The following SNTB2 variants were observed in gnomAD, a reference collection of about 807,000 sequenced individuals.
The protein encoded by SNTB2 is syntrophin beta 2, also known as beta-2-syntrophin.
SNTB2 carries 34 observed loss-of-function variants against 46.2 expected under a neutral mutation model. The observed-to-expected ratio is 0.74, with a 90% CI of 0.56 to 0.98. The LOEUF (loss-of-function observed/expected upper bound fraction) is 0.98, where lower values mean the gene tolerates loss of function less well. Ranked by LOEUF, SNTB2 falls within the 50% of genes least tolerant of loss-of-function variation. SNTB2 has a pLI of 0.00. For synonymous variants in SNTB2, 290 were observed against 312.6 expected, an observed-to-expected ratio of 0.93 and a Z score of 0.76; for missense variants, 603 against 731.4, an observed-to-expected ratio of 0.82 and a Z score of 2.02.
At position 69,260,145 on chromosome 16, in the gene SNTB2, C is replaced by T; in HGVS notation, c.890C>T (p.Thr297Ile). The change falls in exon 3 of 7, where the codon ACC becomes ATC. Residue 297 changes from threonine (T) to isoleucine (I), a missense_variant. Physicochemically the swap from Thr to Ile is moderately conservative, Grantham distance 89. Coordinates refer to ENST00000336278, the MANE Select transcript of SNTB2 (RefSeq NM_006750.4). ...TAHSWFVAIHTNIMALLPQVL... is the reference protein window; with the variant it reads ...TAHSWFVAIHINIMALLPQVL... ...CACTCCTGGTTCGTAGCTATCCACA[C>T]CAACATAATGGCTCTCCTCCCACAG... is the stretch of plus-strand genomic sequence containing the variant. 1 of 1,614,080 alleles carries T rather than the reference C, an allele frequency of 6.2e-7. No individual in the cohort carries two copies. The highest frequency in any genetic ancestry group is 8.5e-7 in the Non-Finnish European group (1 of 1,180,022).
chr16:69,253,513 G>T (rs1334095730), intron 2 of SNTB2, among the ~76,000 whole-genome samples: 22 of 152,052 alleles, frequency 1.4e-4, no homozygotes, highest in Non-Finnish European at 4.4e-5. Flanking sequence ...GCCGGGCGTG[G>T]TGGCGGGCGC....
chr16:69,220,351 C>G (rs1341133131), intron 1 of SNTB2, among the ~76,000 whole-genome samples: 1 of 147,882 alleles, frequency 6.8e-6, no homozygotes, highest in Non-Finnish European at 1.5e-5. Flanking sequence ...TTAGTAGAGA[C>G]GGGGTTTCAT....
At chr16:69,234,340 C>A (rs1964536713) in intron 1 of SNTB2, among the ~76,000 whole-genome samples, 1 of 151,958 alleles carries the variant, frequency 6.6e-6, no homozygotes, top group African/African-American at 2.4e-5. Context: ...CTCACAAGAA[C>A]CCAAAAAACT....
rs1462877592 is a variant in SNTB2 at position 69,210,174 on chromosome 16, C to T, written c.580+22428C>T. On this transcript the variant is annotated intron_variant, in intron 1 of 6. Coordinates refer to ENST00000336278, the MANE Select transcript of SNTB2 (RefSeq NM_006750.4). ...AAGTAGTTGGATTACAGGTGCACAC[C>T]ACCATGCCTGGCTAACTTTGTATTT... 2.0e-5 allele frequency among the ~76,000 whole-genome samples: 3 copies of T among 151,434 alleles called. No individual in the cohort carries two copies. The East Asian group carries it at 5.8e-4, about 29-fold the overall frequency.
chr16:69,280,661 G>A (rs560202159), intron 4 of SNTB2, among the ~76,000 whole-genome samples: 15 of 152,286 alleles, frequency 9.8e-5, no homozygotes, highest in South Asian at 4.1e-4. Context: ...CAGTAGGGGC[G>A]GCCGGCTTTG....
chr16:69,268,761 A>G (rs1469751461), intron 3 of SNTB2, among the ~76,000 whole-genome samples: 4 of 152,012 alleles, frequency 2.6e-5, no homozygotes, highest in Non-Finnish European at 5.9e-5. Context: ...GCTCCTCGGG[A>G]GGCTGAGGCA....
intron 5 of SNTB2, among the ~76,000 whole-genome samples, chr16:69,289,895 C>A (rs150786954): frequency 6.6e-6 from 1 of 152,226 alleles, no homozygotes; most frequent in Non-Finnish European, 1.5e-5. Context: ...GCACTCCAGT[C>A]TGGGCAACAG....
Position 69,269,178 on chromosome 16 carries a change from GA to G in SNTB2, c.1006-954del, listed in dbSNP as rs976898827. On this transcript the variant is annotated intron_variant, in intron 3 of 6. Coordinates refer to ENST00000336278, the MANE Select transcript of SNTB2 (RefSeq NM_006750.4). ...GAGCGAAACTCCGTCTCAAAAAGAA[GA>G]AAAAAAAAAATACAACATAGTGAAC... Among the ~76,000 whole-genome samples, 847 of 142,884 alleles carry G rather than the reference GA, an allele frequency of 5.9e-3. 4 individuals carry two copies. Among genetic ancestry groups the G allele is most frequent in the African/African-American group, 0.018 (692 of 39,080 alleles). 93.7% of individuals were successfully genotyped at this position (142,884 alleles called of 152,430 possible).
rs749391369 is a variant in SNTB2, at chr16:69,245,805, C to A, written c.784C>A (p.Leu262Met). The A allele has an allele frequency of 1.1e-5, 17 of 1,613,852 alleles. No homozygotes were observed. The highest frequency in any genetic ancestry group is 1.4e-5 in the Non-Finnish European group (16 of 1,179,934). Reference sequence around the variant, plus strand: ...TGCTAGAAACCTAAGCATGCCGGATCTGGAAAACAGGTGAGGTGTACCTAA... The same window carrying A: ...TGCTAGAAACCTAAGCATGCCGGATATGGAAAACAGGTGAGGTGTACCTAA... Reference protein sequence around the residue: ...FAARNLSMPDLENRLIELHSP... With the variant: ...FAARNLSMPDMENRLIELHSP... Residue 262 changes from leucine (L) to methionine (M), a missense_variant, in exon 2 of 7, where the codon CTG becomes ATG. This residue lies in a region of SNTB2 where 537 missense variants were observed against 692.4 expected (regional missense o/e 0.78). Transcript: ENST00000336278.
In SNTB2 at chr16:69,187,254, C is replaced by G. The variant is rs1963997250; in HGVS notation, c.88C>G (p.Leu30Val). The change falls in exon 1 of 7, where the codon CTG becomes GTG. Residue 30 changes from leucine (L) to valine (V), a missense_variant. By Grantham distance (32) the Leu-to-Val change is conservative (BLOSUM62 1). Around this residue, in one of 2 missense-constraint regions of SNTB2, gnomAD observed 537 missense variants for 692.4 expected, o/e 0.78. Coordinates refer to ENST00000336278, the MANE Select transcript of SNTB2 (RefSeq NM_006750.4). ...TRATKAGLVE[L>V]LLRERWVRVV... is the part of the protein sequence containing the mutation. ...GGCCACCAAAGCGGGGCTGGTGGAGCTGCTCCTGAGGGAGCGCTGGGTCCG... is the reference window on the plus strand; with the variant it reads ...GGCCACCAAAGCGGGGCTGGTGGAGGTGCTCCTGAGGGAGCGCTGGGTCCG... 2 of 1,482,248 alleles carry G rather than the reference C, an allele frequency of 1.3e-6. No homozygotes were observed. Among genetic ancestry groups the G allele is most frequent in the South Asian group, 1.3e-5 (1 of 77,694 alleles). 91.8% of individuals were successfully genotyped at this position (1,482,248 alleles called of 1,614,324 possible).
chr16:69,246,266 A>G lies in SNTB2; in HGVS notation c.794+451A>G, dbSNP rs182952160. ...ACCTAATTTATTGAGAGTTTTTAGC[A>G]TGAAGGGTTGTTGAATTTTGTTGAA... On this transcript the variant is annotated intron_variant, in intron 2 of 6. Coordinates refer to ENST00000336278, the MANE Select transcript of SNTB2 (RefSeq NM_006750.4). 1.5e-3 allele frequency among the ~76,000 whole-genome samples: 232 copies of G among 152,292 alleles called. 1 individual carries two copies. Among genetic ancestry groups the G allele is most frequent in the Non-Finnish European group, 2.6e-3 (175 of 68,028 alleles).
intron 1 of SNTB2, among the ~76,000 whole-genome samples, chr16:69,226,385 G>GT (rs1964460801): frequency 2.1e-5 from 3 of 144,308 alleles, no homozygotes; most frequent in Admixed American, 2.1e-4. Context: ...ATTCTTAAGA[G>GT]TAAAAAAAAA....
At chr16:69,281,923 G>C (rs979001061) in intron 4 of SNTB2, among the ~76,000 whole-genome samples, 1 of 58,176 alleles carries the variant, frequency 1.7e-5, no homozygotes, top group Non-Finnish European at 3.6e-5. Context: ...TTTTTTTTTT[G>C]AGAGGGAGTC....
At chr16:69,300,727 C>T in intron 6 of SNTB2, 105 bp from the exon 7 acceptor site, 1 of 783,458 alleles carries the variant, frequency 1.3e-6, no homozygotes, top group Non-Finnish European at 2.2e-6. Context: ...GTTTCCATAG[C>T]TCTGGCACAT....
chr16:69,199,595 C>CAAAA lies in SNTB2; in HGVS notation c.580+11862_580+11865dup, dbSNP rs60011703. The stretch of plus-strand genomic sequence containing the variant: ...TGGACAACAGAGTGAAACACTGCCT[C>CAAAA]AAAAAAAAAAAAAAAAGGCGATCTT... On this transcript the variant is annotated intron_variant, in intron 1 of 6. Coordinates refer to ENST00000336278, the MANE Select transcript of SNTB2 (RefSeq NM_006750.4). 1.3e-4 allele frequency among the ~76,000 whole-genome samples: 10 copies of CAAAA among 76,872 alleles called. 1 individual carries two copies. The highest frequency in any genetic ancestry group is 4.2e-4 in the African/African-American group (8 of 18,898). The allele number at this position is 76,872 out of a possible 152,430, so 50.4% of individuals were successfully genotyped here.
At chr16:69,227,545 G>A (rs144960245) in intron 1 of SNTB2, among the ~76,000 whole-genome samples, 15 of 152,146 alleles carry the variant, frequency 9.9e-5, no homozygotes, top group Non-Finnish European at 1.3e-4. Flanking sequence ...TACACAAACC[G>A]CAACACAGTT....
intron 2 of SNTB2, among the ~76,000 whole-genome samples, chr16:69,254,388 A>G (rs1427397500): frequency 6.6e-6 from 1 of 152,166 alleles, no homozygotes; most frequent in East Asian, 1.9e-4. Flanking sequence ...TTCTTAAATC[A>G]GCTAAGTCAT....
intron 1 of SNTB2, among the ~76,000 whole-genome samples, chr16:69,193,974 T>C (rs1024395375): frequency 2.0e-5 from 3 of 152,260 alleles, no homozygotes; most frequent in South Asian, 4.1e-4. Context: ...CTTCTTAATC[T>C]ATGTAGAATT....
At chr16:69,207,435 G>A (rs1269629212) in intron 1 of SNTB2, among the ~76,000 whole-genome samples, 2 of 152,098 alleles carry the variant, frequency 1.3e-5, no homozygotes, top group Non-Finnish European at 2.9e-5. Flanking sequence ...TGGGATTACA[G>A]GCGTGAGCCA....
Sources: allele counts gnomAD v4.1 joint callset (sites outside exome capture counted in the v4.1 genomes callset), GRCh38; gene constraint gnomAD v4.1.1; regional missense constraint gnomAD v4.1.1; transcripts MANE v1.5; gene names NCBI Gene and HGNC (gene_info 2026-07-23, HGNC 2026-07-21).